Variants in GRAMD1B observed in about 807,000 individuals in gnomAD.
GRAMD1B encodes GRAM domain containing 1B, also known as protein Aster-B.
A neutral mutation model predicts 99.7 loss-of-function variants in GRAMD1B; 37 were observed. That is an observed-to-expected ratio of 0.37 (90% CI 0.29 to 0.49). The LOEUF (loss-of-function observed/expected upper bound fraction) is 0.49. GRAMD1B is among the 20% of genes least tolerant of loss of function. GRAMD1B has a pLI of 0.98. For synonymous variants in GRAMD1B, 427 were observed against 387.6 expected (o/e 1.10, Z -1.19); for missense variants, 888 against 1,009.2 (o/e 0.88, Z 1.63).
intron 2 of GRAMD1B, among the ~76,000 whole-genome samples, chr11:123,482,649 T>C (rs1951677124): frequency 6.6e-6 from 1 of 152,248 alleles, no homozygotes; most frequent in Non-Finnish European, 1.5e-5. Flanking sequence ...AAGATGTCAC[T>C]GTAATCTGTA....
intron 1 of GRAMD1B, among the ~76,000 whole-genome samples, chr11:123,470,178 G>A (rs1049726175): frequency 5.9e-5 from 9 of 152,114 alleles, no homozygotes; most frequent in African/African-American, 1.9e-4. Context: ...CTGCCCACAT[G>A]CAAGAGTGAA....
In GRAMD1B at chr11:123,431,073, A is replaced by C. The variant is rs1478019382; in HGVS notation, c.281A>C (p.Asn94Thr). 4.3e-6 allele frequency: 3 copies of C among 702,968 alleles called. No homozygotes were observed. The highest frequency in any genetic ancestry group is 2.0e-5 in the Admixed American group (1 of 50,022). The allele number at this position is 702,968 out of a possible 1,614,324, so 43.5% of individuals were successfully genotyped here. Reference protein sequence around the residue: ...PSSDEDTPWSNCSTPSASPRR... With the variant: ...PSSDEDTPWSTCSTPSASPRR... ...AGCGACGAGGACACCCCGTGGTCCA[A>C]CTGCTCCACACCCAGCGCGTCCCCG... Residue 94 changes from asparagine (N) to threonine (T), a missense_variant, in exon 1 of 20, where the codon AAC becomes ACC. Around this residue, in one of 5 missense-constraint regions of GRAMD1B, gnomAD observed 233 missense variants for 154.6 expected, o/e 1.51. Coordinates refer to ENST00000635736, the MANE Select transcript of GRAMD1B (RefSeq NM_001387025.1).
At chr11:123,453,907 G>A (rs1949999243) in intron 1 of GRAMD1B, among the ~76,000 whole-genome samples, 1 of 152,216 alleles carries the variant, frequency 6.6e-6, no homozygotes, top group Admixed American at 6.5e-5. Context: ...ATCAGGGACA[G>A]CTAAGAAACA....
intron 17 of GRAMD1B, among the ~76,000 whole-genome samples, chr11:123,615,453 G>A (rs747115090): frequency 2.6e-5 from 4 of 152,222 alleles, no homozygotes; most frequent in African/African-American, 7.2e-5. Flanking sequence ...TTGGGAGGCC[G>A]AGGCAGGCGG....
In GRAMD1B at chr11:123,618,415, C is replaced by T. The variant is rs1954725444; in HGVS notation, c.2319-278C>T. 4 of 1,524,494 alleles carry T rather than the reference C, an allele frequency of 2.6e-6. No homozygotes were observed. The South Asian group carries it at 4.5e-5, about 17-fold the overall frequency. The allele number at this position is 1,524,494 out of a possible 1,614,324, so 94.4% of individuals were successfully genotyped here. On this transcript the variant is annotated intron_variant, in intron 17 of 19. Coordinates refer to ENST00000635736, the MANE Select transcript of GRAMD1B (RefSeq NM_001387025.1). ...ATCTCTTTTCCTCCCCACCGTACCTCTCTTCCCCCAGGTGCCCAGGTTCTG... is the reference window on the plus strand; with the variant it reads ...ATCTCTTTTCCTCCCCACCGTACCTTTCTTCCCCCAGGTGCCCAGGTTCTG...
In GRAMD1B at chr11:123,608,639, T is replaced by C. The variant is rs773093756; in HGVS notation, c.1514-20T>C. 11 of 1,574,398 alleles carry C rather than the reference T, an allele frequency of 7.0e-6. No individual in the cohort carries two copies. Among genetic ancestry groups the C allele is most frequent in the Non-Finnish European group, 9.5e-6 (11 of 1,159,056 alleles). On this transcript the variant is annotated intron_variant, in intron 11 of 19. Transcript: ENST00000635736. ...CCCTCCGCTGTCACTGTCTACTTCC[T>C]GATCCTCTCTTCTGTGCAGGAGAGG...
At position 123,367,994 on chromosome 11, in the gene GRAMD1B, A is replaced by G. The variant is rs527264598; in HGVS notation, c.-176+9195A>G. ...GCCAGGGCCGGGCACGGTGGCTCAC[A>G]CCTGTAATCCCAGCACTTTGGGAGG... On this transcript the variant is annotated intron_variant, in intron 1 of 20. Coordinates refer to the GRAMD1B transcript ENST00000638157. Among the ~76,000 whole-genome samples, 4 of 152,008 alleles carry G rather than the reference A, an allele frequency of 2.6e-5. No homozygotes were observed. The South Asian group carries it at 8.3e-4, about 32-fold the overall frequency.
chr11:123,415,085 CTTTTTCTTTCTTT>C (rs1948183686), intron 1 of GRAMD1B, among the ~76,000 whole-genome samples: 1 of 113,310 alleles, frequency 8.8e-6, no homozygotes, highest in Admixed American at 9.1e-5. Flanking sequence ...TTTTTCTTTT[CTTTTTCTTTCTTT>C]TTTTTTTTTT....
At chr11:123,583,376 TGTGTGGTGTGTATGTGTGC>T (rs1949664607) in intron 3 of GRAMD1B, among the ~76,000 whole-genome samples, 1 of 137,188 alleles carries the variant, frequency 7.3e-6, no homozygotes, top group Non-Finnish European at 1.6e-5. Context: ...TGTGTGCACG[TGTGTGGTGTGTATGTGTGC>T]GTGTGTGTGT....
At chr11:123,478,853 T>C (rs1951438331) in intron 1 of GRAMD1B, among the ~76,000 whole-genome samples, 1 of 152,200 alleles carries the variant, frequency 6.6e-6, no homozygotes, top group East Asian at 1.9e-4. Context: ...GTGTAGACCC[T>C]GCTTCTGGAG....
At chr11:123,535,132 C>G (rs1943828939) in intron 2 of GRAMD1B, among the ~76,000 whole-genome samples, 1 of 152,116 alleles carries the variant, frequency 6.6e-6, no homozygotes, top group Admixed American at 6.5e-5. Flanking sequence ...GATGCACTTT[C>G]CAATTCAGTG....
intron 1 of GRAMD1B, among the ~76,000 whole-genome samples, chr11:123,385,111 C>G (rs1208303993): frequency 6.6e-6 from 1 of 152,204 alleles, no homozygotes; most frequent in Non-Finnish European, 1.5e-5. Context: ...CTCCAAAAGC[C>G]TCTCCACTTG....
rs142512515 is a variant in GRAMD1B, at chr11:123,441,616, C to G, written c.374+10450C>G. On this transcript the variant is annotated intron_variant, in intron 1 of 19. Coordinates refer to ENST00000635736, the MANE Select transcript of GRAMD1B (RefSeq NM_001387025.1). ...GGGCAACATAGTGAGACCCCCACCT[C>G]TATTATAAAAGAAAAAAAAAGAGAA... is the stretch of plus-strand genomic sequence containing the variant. 1.3e-4 allele frequency among the ~76,000 whole-genome samples: 20 copies of G among 151,882 alleles called. No homozygotes were observed. In the East Asian group the frequency reaches 3.9e-3, roughly 29 times the overall value.
rs565594667 is a variant in GRAMD1B, at chr11:123,509,159, A to T, written c.452+28266A>T. ...ATTTCTGAGGGTAAAGTCTACATGGAAATGAACACTGGGAGACTGACATCC... is the reference window on the plus strand; with the variant it reads ...ATTTCTGAGGGTAAAGTCTACATGGTAATGAACACTGGGAGACTGACATCC... On this transcript the variant is annotated intron_variant, in intron 2 of 19. Coordinates refer to ENST00000635736, the MANE Select transcript of GRAMD1B (RefSeq NM_001387025.1). Among the ~76,000 whole-genome samples the T allele has an allele frequency of 2.6e-5, 4 of 152,260 alleles. No individual in the cohort carries two copies. The South Asian group carries it at 8.3e-4, about 32-fold the overall frequency.
At chr11:123,471,462 TAGA>T (rs1489671548) in intron 1 of GRAMD1B, among the ~76,000 whole-genome samples, 1 of 152,026 alleles carries the variant, frequency 6.6e-6, no homozygotes, top group African/African-American at 2.4e-5. Context: ...TAGGACCAAA[TAGA>T]AGAAGAGCCC....
intron 1 of GRAMD1B, among the ~76,000 whole-genome samples, chr11:123,443,635 A>C (rs1328782076): frequency 6.6e-6 from 1 of 151,142 alleles, no homozygotes; most frequent in Non-Finnish European, 1.5e-5. Flanking sequence ...GCACGATCTC[A>C]CTCACTGCAA....
At position 123,599,023 on chromosome 11, in the gene GRAMD1B, C is replaced by CATGGAG. The variant is rs1951626660; in HGVS notation, c.970-1442_970-1437dup. 4 of 1,112,268 alleles carry CATGGAG rather than the reference C, an allele frequency of 3.6e-6. No homozygotes were observed. The South Asian group carries it at 4.9e-5, about 14-fold the overall frequency. The allele number at this position is 1,112,268 out of a possible 1,614,324, so 68.9% of individuals were successfully genotyped here. ...AGGTTAATGTACTTGAGGCAACAGT[C>CATGGAG]ATGGAGATCGAGGTAACGACCATAT... On this transcript the variant is annotated intron_variant, in intron 7 of 19. Coordinates refer to ENST00000635736, the MANE Select transcript of GRAMD1B (RefSeq NM_001387025.1).
chr11:123,551,760 G>T (rs180893840), intron 2 of GRAMD1B, among the ~76,000 whole-genome samples: 203 of 152,224 alleles, frequency 1.3e-3, no homozygotes, highest in African/African-American at 4.0e-3. Flanking sequence ...CTTCATTCAT[G>T]GCCTTCCTTT....
At chr11:123,482,753 A>G (rs1336007812) in intron 2 of GRAMD1B, among the ~76,000 whole-genome samples, 1 of 152,180 alleles carries the variant, frequency 6.6e-6, no homozygotes, top group Admixed American at 6.5e-5. Flanking sequence ...TCATAACTAT[A>G]TCATTATAAT....
Sources: gnomAD v4.1 joint callset for allele counts (sites outside exome capture counted in the v4.1 genomes callset) on GRCh38, gnomAD v4.1.1 for gene constraint, gnomAD v4.1.1 regional missense constraint, MANE v1.5 for transcripts, NCBI Gene and HGNC (gene_info 2026-07-23, HGNC 2026-07-21) for gene names.